The following NELL1 variants were observed in gnomAD, a reference collection of about 807,000 sequenced individuals.
NELL1 encodes protein kinase C-binding protein NELL1.
A neutral mutation model predicts 107.4 loss-of-function variants in NELL1; 76 were observed. The observed-to-expected ratio is 0.71, with a 90% CI of 0.59 to 0.86. NELL1 has a LOEUF of 0.86. Ranked by LOEUF, NELL1 falls within the 40% of genes least tolerant of loss-of-function variation. The pLI, the probability that NELL1 is intolerant of heterozygous loss-of-function variation, is 0.00. For missense variants in NELL1, 1,024 were observed against 1,005.5 expected, an observed-to-expected ratio of 1.02 and a Z score of -0.25; for synonymous variants, 353 against 341.2, an observed-to-expected ratio of 1.03 and a Z score of -0.38.
chr11:21,317,927 C>T (rs767464095), intron 14 of NELL1, among the ~76,000 whole-genome samples: 10 of 151,886 alleles, frequency 6.6e-5, no homozygotes, highest in African/African-American at 1.5e-4. Flanking sequence ...AAAAATTATC[C>T]GTATCTTGAA....
intron 14 of NELL1, among the ~76,000 whole-genome samples, chr11:21,230,568 G>A (rs1858021641): frequency 1.3e-5 from 2 of 152,206 alleles, no homozygotes; most frequent in Non-Finnish European, 2.9e-5. Context: ...TTTTAGAAGT[G>A]ATAAGATTGA....
At chr11:20,836,955 TA>T (rs1157623081) in intron 3 of NELL1, among the ~76,000 whole-genome samples, 1 of 152,056 alleles carries the variant, frequency 6.6e-6, no homozygotes, top group East Asian at 1.9e-4. Flanking sequence ...TGTACATATT[TA>T]AAAAAATCAT....
At chr11:21,010,117 C>A (rs1273906870) in intron 12 of NELL1, among the ~76,000 whole-genome samples, 1 of 151,966 alleles carries the variant, frequency 6.6e-6, no homozygotes, top group Non-Finnish European at 1.5e-5. Flanking sequence ...CTTAGTAGAG[C>A]ATTGTTTAAT....
intron 3 of NELL1, among the ~76,000 whole-genome samples, chr11:20,840,343 T>TA (rs1437698356): frequency 6.6e-6 from 1 of 152,160 alleles, no homozygotes; most frequent in East Asian, 1.9e-4. Context: ...TATTGATGTA[T>TA]AAAAAAAACT....
chr11:20,771,103 G>A (rs767123168), intron 2 of NELL1, among the ~76,000 whole-genome samples: 4 of 152,010 alleles, frequency 2.6e-5, no homozygotes, highest in Non-Finnish European at 4.4e-5. Flanking sequence ...CCAAGTGCAG[G>A]CTTCTGCAAT....
intron 13 of NELL1, 36 bp from the exon 14 acceptor site, chr11:21,229,296 A>G: frequency 6.2e-7 from 1 of 1,611,946 alleles, no homozygotes; most frequent in Non-Finnish European, 8.5e-7. Context: ...CAACTTAAGA[A>G]AAAGTATTTC....
chr11:20,704,494 G>T (rs1470881100), intron 2 of NELL1, among the ~76,000 whole-genome samples: 1 of 152,112 alleles, frequency 6.6e-6, no homozygotes, highest in Admixed American at 6.6e-5. Flanking sequence ...GGAGCATTTA[G>T]CCCATTTAGA....
intron 4 of NELL1, among the ~76,000 whole-genome samples, chr11:20,884,767 T>C (rs137937155): frequency 1.1e-4 from 17 of 152,310 alleles, no homozygotes; most frequent in African/African-American, 3.8e-4. Flanking sequence ...TTATCTTACT[T>C]TTCCTCCATG....
chr11:21,023,204 G>A (rs1328935879), intron 12 of NELL1, among the ~76,000 whole-genome samples: 6 of 152,026 alleles, frequency 3.9e-5, no homozygotes, highest in Admixed American at 1.3e-4. Context: ...AAATGTCAGC[G>A]GTTAAGTTCT....
intron 12 of NELL1, among the ~76,000 whole-genome samples, chr11:21,041,872 G>T (rs539253886): frequency 3.7e-4 from 57 of 152,300 alleles, no homozygotes; most frequent in Non-Finnish European, 6.5e-4. Flanking sequence ...ACATGACCAA[G>T]GATGGTGTTT....
At chr11:20,682,486 A>G (rs1854212977) in intron 2 of NELL1, among the ~76,000 whole-genome samples, 1 of 152,042 alleles carries the variant, frequency 6.6e-6, no homozygotes. Context: ...AGTAATTGAT[A>G]TGTATGTTGA....
At chr11:21,087,603 GT>G (rs1854425823) in intron 12 of NELL1, among the ~76,000 whole-genome samples, 1 of 152,134 alleles carries the variant, frequency 6.6e-6, no homozygotes. Context: ...CTGGGAAGTT[GT>G]TTGGGACATA....
chr11:21,114,210 C>T (rs1464030162), intron 13 of NELL1, among the ~76,000 whole-genome samples: 2 of 151,964 alleles, frequency 1.3e-5, no homozygotes, highest in African/African-American at 2.4e-5. Flanking sequence ...CTGTGTCCCA[C>T]CTCTTTCTAT....
intron 14 of NELL1, among the ~76,000 whole-genome samples, chr11:21,308,111 C>T (rs1251591583): frequency 1.3e-5 from 2 of 152,004 alleles, no homozygotes; most frequent in Non-Finnish European, 2.9e-5. Context: ...TAGCAAATTA[C>T]TCAACTGCTC....
chr11:20,953,911 G>A lies in NELL1; in HGVS notation c.1171+6476G>A, dbSNP rs372083493. 9.9e-5 allele frequency among the ~76,000 whole-genome samples: 15 copies of A among 152,236 alleles called. No homozygotes were observed. The South Asian group carries it at 1.4e-3, about 15-fold the overall frequency. ...CCCTGCTAGAATGTAGGATGAATGC[G>A]GACATGTTTATGGTATTTTTTGCTG... is the stretch of plus-strand genomic sequence containing the variant. On this transcript the variant is annotated intron_variant, in intron 11 of 19. Transcript: ENST00000357134.
At chr11:20,763,137 C>T (rs1415716871) in intron 2 of NELL1, among the ~76,000 whole-genome samples, 5 of 152,092 alleles carry the variant, frequency 3.3e-5, no homozygotes, top group Admixed American at 6.5e-5. Flanking sequence ...TGCTCATGGC[C>T]TCTCTCCTCC....
intron 12 of NELL1, among the ~76,000 whole-genome samples, chr11:20,997,727 G>C (rs1045227683): frequency 6.6e-6 from 1 of 152,148 alleles, no homozygotes. Flanking sequence ...GGTGGCTTAC[G>C]CCTGTAATCT....
chr11:21,090,399 T>G (rs1854494186), intron 12 of NELL1, among the ~76,000 whole-genome samples: 1 of 152,172 alleles, frequency 6.6e-6, no homozygotes, highest in African/African-American at 2.4e-5. Flanking sequence ...GCCTGTTCAG[T>G]GTTTATTTCT....
At chr11:21,073,800 G>A (rs1013473357) in intron 12 of NELL1, among the ~76,000 whole-genome samples, 1 of 152,106 alleles carries the variant, frequency 6.6e-6, no homozygotes. Context: ...ACGTTACTTC[G>A]GTTGCTAGAT....
Sources: allele counts gnomAD v4.1 joint callset (sites outside exome capture counted in the v4.1 genomes callset), GRCh38; gene constraint gnomAD v4.1.1; transcripts MANE v1.5; gene names NCBI Gene and HGNC (gene_info 2026-07-23, HGNC 2026-07-21).